The following EPS15L1 variants were observed in gnomAD, a reference collection of about 807,000 sequenced individuals.
The protein encoded by EPS15L1 is epidermal growth factor receptor pathway substrate 15 like 1, also known as epidermal growth factor receptor substrate 15-like 1.
In EPS15L1, 43 loss-of-function variants were observed where a neutral mutation model predicts 117.1. That is an observed-to-expected ratio of 0.37 (90% confidence interval 0.29 to 0.47). The LOEUF (loss-of-function observed/expected upper bound fraction) is 0.47. Ranked by LOEUF, EPS15L1 falls within the 20% of genes least tolerant of loss-of-function variation. The probability of loss-of-function intolerance (pLI) is 0.99; values close to 1 mark genes in which losing one functional copy is unlikely to be tolerated. For missense variants in EPS15L1, 981 were observed against 1,164.0 expected, an observed-to-expected ratio of 0.84 and a Z score of 2.29; for synonymous variants, 459 against 470.5, an observed-to-expected ratio of 0.98 and a Z score of 0.32.
chr19:16,447,016 G>T (rs960128159), intron 1 of EPS15L1, among the ~76,000 whole-genome samples: 2 of 152,218 alleles, frequency 1.3e-5, no homozygotes, highest in Non-Finnish European at 2.9e-5. Flanking sequence ...ATAGCCCGGA[G>T]TAGAGCTTGC....
rs1222083194 is a variant in EPS15L1, at chr19:16,471,956, A to G, written c.-11T>C. On this transcript the variant is annotated 5_prime_UTR_variant, in exon 1 of 24. Transcript: ENST00000455140. This position sits in a 1 kb window ranked among gnomAD's most constrained non-coding sequence, Gnocchi z 4.8. Reference sequence around the variant, plus strand: ...GAGCGGCGCCGCCATCTTCCCGCGGACTCGGGCTCCGAGCGCCGGGGGAAC... The same window carrying G: ...GAGCGGCGCCGCCATCTTCCCGCGGGCTCGGGCTCCGAGCGCCGGGGGAAC... 3 of 1,283,792 alleles carry G rather than the reference A, an allele frequency of 2.3e-6. No individual in the cohort carries two copies. Among genetic ancestry groups the G allele is most frequent in the Non-Finnish European group, 3.0e-6 (3 of 1,016,464 alleles). The allele number at this position is 1,283,792 out of a possible 1,614,324, so 79.5% of individuals were successfully genotyped here.
chr19:16,387,848 A>C (rs150743061), intron 19 of EPS15L1, among the ~76,000 whole-genome samples: 4 of 152,342 alleles, frequency 2.6e-5, no homozygotes, highest in African/African-American at 9.6e-5. Context: ...TTGAAAACAG[A>C]GCAGTAGAAA....
chr19:16,465,674 C>T (rs1046353011), intron 1 of EPS15L1, among the ~76,000 whole-genome samples: 4 of 152,188 alleles, frequency 2.6e-5, no homozygotes, highest in African/African-American at 9.6e-5. Flanking sequence ...AGAGCAAGAG[C>T]CTGTCTCTAA....
chr19:16,395,967 G>T (rs377387815), intron 16 of EPS15L1, among the ~76,000 whole-genome samples: 2 of 150,178 alleles, frequency 1.3e-5, no homozygotes, highest in African/African-American at 4.9e-5. Flanking sequence ...AAAAATCAAG[G>T]TGTGGTGGCG....
chr19:16,428,377 CA>C (rs1213684745), intron 8 of EPS15L1, among the ~76,000 whole-genome samples: 84 of 68,450 alleles, frequency 1.2e-3, no homozygotes, highest in Admixed American at 1.3e-3. Context: ...CATCTAAAAA[CA>C]AAAAAAAAAA....
At chr19:16,413,231 T>C in intron 13 of EPS15L1, 1 of 643,382 alleles carries the variant, frequency 1.6e-6, no homozygotes. Context: ...AACCCCACAT[T>C]GTCCCTTGCA....
chr19:16,455,645 T>G (rs1314728611), intron 1 of EPS15L1, among the ~76,000 whole-genome samples: 1 of 152,218 alleles, frequency 6.6e-6, no homozygotes, highest in Non-Finnish European at 1.5e-5. Flanking sequence ...AAATGTGGAT[T>G]TGAGTCCTGT....
chr19:16,369,613 G>T (rs564516258), intron 22 of EPS15L1, among the ~76,000 whole-genome samples: 2 of 151,382 alleles, frequency 1.3e-5, no homozygotes, highest in East Asian at 3.9e-4. Context: ...ACCACAAAAG[G>T]CTCCCATGAC....
chr19:16,404,460 T>C lies in EPS15L1; in HGVS notation c.1428+128A>G, dbSNP rs1258746098. The C allele has an allele frequency of 8.5e-6, 9 of 1,064,646 alleles. No individual in the cohort carries two copies. The highest frequency in any genetic ancestry group is 1.2e-5 in the Non-Finnish European group (9 of 741,644). 65.9% of individuals were successfully genotyped at this position (1,064,646 alleles called of 1,614,324 possible). A position where few individuals can be genotyped will look rare whatever the true frequency, so the allele number is the denominator to read the frequency against. ...GCTTGGACACTTTTCCACGTGGTGT[T>C]TGGAGGAACTCTATTGACCCAGTAG... On this transcript the variant is annotated intron_variant, in intron 14 of 23. Coordinates refer to ENST00000455140, the MANE Select transcript of EPS15L1 (RefSeq NM_001258374.3). The surrounding 1 kb of genome is among the most constrained non-coding windows in gnomAD (Gnocchi z 4.2).
intron 13 of EPS15L1, among the ~76,000 whole-genome samples, chr19:16,409,589 T>TG (rs1195077330): frequency 6.6e-6 from 1 of 152,158 alleles, no homozygotes; most frequent in Non-Finnish European, 1.5e-5. Context: ...AGAAGGTATT[T>TG]GCAAGTCACA....
chr19:16,416,918 G>A (rs948803258), intron 12 of EPS15L1, among the ~76,000 whole-genome samples: 30 of 152,260 alleles, frequency 2.0e-4, no homozygotes, highest in African/African-American at 7.0e-4. Flanking sequence ...CAAAGCCCTC[G>A]TTTACACATG....
intron 16 of EPS15L1, chr19:16,401,318 A>G: frequency 1.0e-6 from 1 of 985,052 alleles, no homozygotes; most frequent in Non-Finnish European, 1.2e-6. Flanking sequence ...GGCTGCTGAG[A>G]AAAGAAACAC....
chr19:16,421,599 TC>T, intron 9 of EPS15L1, 123 bp from the exon 10 acceptor site: 1 of 1,033,622 alleles, frequency 9.7e-7, no homozygotes, highest in Non-Finnish European at 1.4e-6. Flanking sequence ...TCTCCTCACT[TC>T]CATGAGCCAA....
intron 23 of EPS15L1, among the ~76,000 whole-genome samples, chr19:16,359,349 C>T (rs1248101080): frequency 2.6e-5 from 4 of 152,154 alleles, no homozygotes; most frequent in East Asian, 3.9e-4. Context: ...ATCGGCTGAG[C>T]CCCCGAATGC....
At chr19:16,400,581 C>T (rs2092590680) in intron 16 of EPS15L1, 1 of 953,120 alleles carries the variant, frequency 1.0e-6, no homozygotes, top group East Asian at 1.2e-4. Flanking sequence ...CAGGAGTAAA[C>T]AAAAATCTCT....
intron 8 of EPS15L1, among the ~76,000 whole-genome samples, chr19:16,426,168 T>C (rs1470070914): frequency 1.3e-5 from 2 of 152,146 alleles, no homozygotes; most frequent in Non-Finnish European, 2.9e-5. Flanking sequence ...AACATGGCAG[T>C]AAGAAGACAT....
chr19:16,379,584 T>G (rs983759954), intron 21 of EPS15L1, among the ~76,000 whole-genome samples: 2 of 152,252 alleles, frequency 1.3e-5, no homozygotes, highest in African/African-American at 4.8e-5. Context: ...CAGCATCTAG[T>G]CACACCGATG....
chr19:16,448,106 G>A (rs1326925698), intron 1 of EPS15L1, among the ~76,000 whole-genome samples: 1 of 152,180 alleles, frequency 6.6e-6, no homozygotes, highest in East Asian at 1.9e-4. Flanking sequence ...AACTCAAAGT[G>A]GATCATGAAT....
rs1018462057 is a variant in EPS15L1 at position 16,365,342 on chromosome 19, A to G, written c.2381-3358T>C. 3.9e-5 allele frequency among the ~76,000 whole-genome samples: 6 copies of G among 152,228 alleles called. No homozygotes were observed. Among genetic ancestry groups the G allele is most frequent in the Admixed American group, 6.5e-5 (1 of 15,284 alleles). On this transcript the variant is annotated intron_variant, in intron 22 of 23. Transcript: ENST00000455140. This position sits in a 1 kb window ranked among gnomAD's most constrained non-coding sequence, Gnocchi z 4.9. The stretch of plus-strand genomic sequence containing the variant: ...TGAAGATAGCATATTTAAAGGGGTA[A>G]CTGAGTTAAAACGAAGTCAAAGGAT...
Sources: gnomAD v4.1 joint callset for allele counts (sites outside exome capture counted in the v4.1 genomes callset) on GRCh38, gnomAD v4.1.1 for gene constraint, Gnocchi (gnomAD v3.1) non-coding constraint, MANE v1.5 for transcripts, NCBI Gene and HGNC (gene_info 2026-07-23, HGNC 2026-07-21) for gene names.